Variants in OSBPL5 observed in about 807,000 individuals in gnomAD.
The protein encoded by OSBPL5 is oxysterol binding protein like 5.
A neutral mutation model predicts 111.2 loss-of-function variants in OSBPL5; 71 were observed. That is an observed-to-expected ratio of 0.64 (90% CI 0.53 to 0.78). OSBPL5 has a LOEUF of 0.78. Among genes scored for constraint, OSBPL5 ranks in the 30% least tolerant of loss-of-function variants. OSBPL5 has a pLI of 0.00. For synonymous variants in OSBPL5, 549 were observed against 513.9 expected, an observed-to-expected ratio of 1.07 and a Z score of -0.93; for missense variants, 1,210 against 1,189.3, an observed-to-expected ratio of 1.02 and a Z score of -0.26.
rs1224459112 is a variant in OSBPL5, at chr11:3,097,036, GAGGGAAGACAGGAGAAGGAGAGGAA to G, written c.1622-2727_1622-2703del. ...AAGACGGGAGGGGGAGGAGAGGAAAGAGGGAAGACAGGAGAAGGAGAGGAAAGGGGGAAGATGGAAGGAGGAGAAG... is the reference window on the plus strand; with the variant it reads ...AAGACGGGAGGGGGAGGAGAGGAAAGAGGGGGAAGATGGAAGGAGGAGAAG... On this transcript the variant is annotated intron_variant, in intron 14 of 21. Coordinates refer to ENST00000263650, the MANE Select transcript of OSBPL5 (RefSeq NM_020896.4). Among the ~76,000 whole-genome samples the G allele has an allele frequency of 5.0e-3, 368 of 73,482 alleles. 9 individuals carry two copies. The highest frequency in any genetic ancestry group is 6.0e-3 in the African/African-American group (100 of 16,602). The allele number at this position is 73,482 out of a possible 152,430, so 48.2% of individuals were successfully genotyped here. A position where few individuals can be genotyped will look rare whatever the true frequency, so the allele number is the denominator to read the frequency against.
rs937569285 is a variant in OSBPL5, at chr11:3,154,348, G to A, written c.-22+10868C>T. ...GAGTCACCCACATCCTGGCCTCCCCGCCCACTTTGCCGGTGGGACAGAGTG... is the reference window on the plus strand; with the variant it reads ...GAGTCACCCACATCCTGGCCTCCCCACCCACTTTGCCGGTGGGACAGAGTG... On this transcript the variant is annotated intron_variant, in intron 1 of 21. Transcript: ENST00000263650. This position sits in a 1 kb window ranked among gnomAD's most constrained non-coding sequence, Gnocchi z 4.9. Among the ~76,000 whole-genome samples the A allele has an allele frequency of 2.0e-5, 3 of 152,206 alleles. No individual in the cohort carries two copies. Among genetic ancestry groups the A allele is most frequent in the African/African-American group, 7.2e-5 (3 of 41,466 alleles).
Position 3,119,617 on chromosome 11 carries a change from C to G in OSBPL5, c.621G>C (p.Glu207Asp). The change falls in exon 7 of 22, where the codon GAG becomes GAC. Residue 207 changes from glutamate to aspartate, a missense_variant. Glu to Asp is a conservative substitution (Grantham distance 45). Transcript: ENST00000263650. The part of the protein sequence containing the change: ...SVWAVKGPKG[E>D]SVGSITQPLP... ...GGGGCTGTGTGATGGAGCCCACGCT[C>G]TCACCTTTGGGGCCCTGGAGAGAGA... 1 of 1,576,474 alleles carries G rather than the reference C, an allele frequency of 6.3e-7. No homozygotes were observed. Among genetic ancestry groups the G allele is most frequent in the South Asian group, 1.2e-5 (1 of 86,014 alleles).
At chr11:3,153,921 T>G (rs1016190597) in intron 1 of OSBPL5, among the ~76,000 whole-genome samples, 1 of 152,238 alleles carries the variant, frequency 6.6e-6, no homozygotes, top group Non-Finnish European at 1.5e-5. Flanking sequence ...AGGCTCCATA[T>G]GAATGCAGCC....
At position 3,107,495 on chromosome 11, in the gene OSBPL5, G is replaced by A; in HGVS notation, c.867-40C>T. On this transcript the variant is annotated intron_variant, in intron 8 of 21. Transcript: ENST00000263650. This position sits in a 1 kb window ranked among gnomAD's most constrained non-coding sequence, Gnocchi z 6.1. ...GTGCCAGTGGGTCCCTGTCACAGGT[G>A]AGAGCCCAGCACAGCCCTCTGGGCT... 6.2e-7 allele frequency: 1 copy of A among 1,607,046 alleles called. No homozygotes were observed. Among genetic ancestry groups the A allele is most frequent in the Non-Finnish European group, 8.5e-7 (1 of 1,174,630 alleles).
In OSBPL5 at chr11:3,142,141, A is replaced by T. The variant is rs1193553306; in HGVS notation, c.-21-12972T>A. On this transcript the variant is annotated intron_variant, in intron 1 of 21. Transcript: ENST00000263650. This position sits in a 1 kb window ranked among gnomAD's most constrained non-coding sequence, Gnocchi z 7.1. Reference sequence around the variant, plus strand: ...ACCATGTTGGCCAGGCTGGTCTCCAACTCCCGACCTCAAGTGATCTGCCCT... The same window carrying T: ...ACCATGTTGGCCAGGCTGGTCTCCATCTCCCGACCTCAAGTGATCTGCCCT... Among the ~76,000 whole-genome samples the T allele has an allele frequency of 1.3e-5, 2 of 151,956 alleles. No homozygotes were observed. Among genetic ancestry groups the T allele is most frequent in the African/African-American group, 2.4e-5 (1 of 41,354 alleles).
rs1445604755 is a variant in OSBPL5 at position 3,126,980 on chromosome 11, G to C, written c.137-425C>G. 6.6e-6 allele frequency among the ~76,000 whole-genome samples: 1 copy of C among 152,212 alleles called. No homozygotes were observed. Among genetic ancestry groups the C allele is most frequent in the Non-Finnish European group, 1.5e-5 (1 of 68,024 alleles). On this transcript the variant is annotated intron_variant, in intron 2 of 21. Transcript: ENST00000263650. The surrounding 1 kb of genome is among the most constrained non-coding windows in gnomAD (Gnocchi z 6.5). ...CTGGCTGGATGCTGCCGGCCCCTGC[G>C]TGCTGGGCTCTTGCTGGGAGGTGGT... is the stretch of plus-strand genomic sequence containing the variant.
rs553524244 is a variant in OSBPL5, at chr11:3,154,110, T to C, written c.-22+11106A>G. 6.6e-6 allele frequency among the ~76,000 whole-genome samples: 1 copy of C among 152,188 alleles called. No individual in the cohort carries two copies. Among genetic ancestry groups the C allele is most frequent in the Non-Finnish European group, 1.5e-5 (1 of 68,030 alleles). ...TGTGTGGCCCCTTATCCACTCTCCC[T>C]GGGAGGAAAGGCCCCGTGTGGTGTC... On this transcript the variant is annotated intron_variant, in intron 1 of 21. Transcript: ENST00000263650. This position sits in a 1 kb window ranked among gnomAD's most constrained non-coding sequence, Gnocchi z 4.9.
rs555557730 is a variant in OSBPL5 at position 3,113,903 on chromosome 11, G to C, written c.691+5644C>G. 2.0e-5 allele frequency among the ~76,000 whole-genome samples: 3 copies of C among 152,240 alleles called. No individual in the cohort carries two copies. The East Asian group carries it at 5.8e-4, about 29-fold the overall frequency. ...GTTAGAAACAAGATGGAGTCAGTTA[G>C]GTCAAATCTCTTTCACTGTCTCAGT... On this transcript the variant is annotated intron_variant, in intron 7 of 21. Coordinates refer to ENST00000263650, the MANE Select transcript of OSBPL5 (RefSeq NM_020896.4). This position sits in a 1 kb window ranked among gnomAD's most constrained non-coding sequence, Gnocchi z 4.8.
At chr11:3,139,733 C>G (rs2134507357) in intron 1 of OSBPL5, among the ~76,000 whole-genome samples, 1 of 152,332 alleles carries the variant, frequency 6.6e-6, no homozygotes, top group South Asian at 2.1e-4. Flanking sequence ...CGGCTTCCCT[C>G]TCTGGGCTCC....
chr11:3,136,759 G>T (rs1401002702), intron 1 of OSBPL5, among the ~76,000 whole-genome samples: 2 of 152,250 alleles, frequency 1.3e-5, no homozygotes. Flanking sequence ...CTCACCCACA[G>T]CCCAGAGTGA....
At chr11:3,114,564 T>C (rs538096560) in intron 7 of OSBPL5, among the ~76,000 whole-genome samples, 3 of 147,200 alleles carry the variant, frequency 2.0e-5, no homozygotes, top group Admixed American at 6.8e-5. Context: ...AAAACAGTTA[T>C]AGACTAAAGA....
At chr11:3,128,223 C>T (rs541897286) in intron 2 of OSBPL5, among the ~76,000 whole-genome samples, 29 of 152,338 alleles carry the variant, frequency 1.9e-4, no homozygotes, top group African/African-American at 6.3e-4. Flanking sequence ...CCCACTCCCC[C>T]CAGGGCAGAT....
rs538540441 is a variant in OSBPL5 at position 3,110,931 on chromosome 11, G to A, written c.692-2986C>T. On this transcript the variant is annotated intron_variant, in intron 7 of 21. Transcript: ENST00000263650. The surrounding 1 kb of genome is among the most constrained non-coding windows in gnomAD (Gnocchi z 5.3). ...TCCTGAGGCTGTGTCACAGGTAGGC[G>A]TCTTCAACCTTGGCAAAATAAACTT... is the stretch of plus-strand genomic sequence containing the variant. 4.1e-4 allele frequency among the ~76,000 whole-genome samples: 62 copies of A among 152,274 alleles called. No homozygotes were observed. The highest frequency in any genetic ancestry group is 1.4e-3 in the African/African-American group (57 of 41,554).
At position 3,122,383 on chromosome 11, in the gene OSBPL5, G is replaced by A. The variant is rs748044156; in HGVS notation, c.265C>T (p.Pro89Ser). 2 of 1,613,798 alleles carry A rather than the reference G, an allele frequency of 1.2e-6. No individual in the cohort carries two copies. Among genetic ancestry groups the A allele is most frequent in the East Asian group, 2.2e-5 (1 of 44,888 alleles). ...TCCTTCTTGGTGACCCTGGCGGTGG[G>A]GGACACACATTCCTTGTCTGACCCG... is the stretch of plus-strand genomic sequence containing the variant. ...CNGSDKECVSPTARVTKKETL... is the reference protein window; with the variant it reads ...CNGSDKECVSSTARVTKKETL... The change falls in exon 4 of 22, where the codon CCC becomes TCC. Residue 89 changes from proline (P) to serine (S), a missense_variant. Physicochemically the swap from Pro to Ser is moderately conservative, Grantham distance 74. Coordinates refer to ENST00000263650, the MANE Select transcript of OSBPL5 (RefSeq NM_020896.4).
rs1443032473 is a variant in OSBPL5, at chr11:3,162,958, G to A, written c.-22+2258C>T. Among the ~76,000 whole-genome samples, 1 of 151,900 alleles carries A rather than the reference G, an allele frequency of 6.6e-6. No homozygotes were observed. The stretch of plus-strand genomic sequence containing the variant: ...CTCCCCTGCCAACCCTGCAAGTGGT[G>A]GGCACTTCTACCCACCTGGCCCTTG... On this transcript the variant is annotated intron_variant, in intron 1 of 21. Transcript: ENST00000263650. The surrounding 1 kb of genome is among the most constrained non-coding windows in gnomAD (Gnocchi z 8.1).
At chr11:3,120,318 A>C in intron 6 of OSBPL5, 103 bp downstream of exon 6, 1 of 1,415,578 alleles carries the variant, frequency 7.1e-7, no homozygotes, top group Non-Finnish European at 9.6e-7. Context: ...CAAGGCCCCA[A>C]GGGGGCCATT....
Position 3,120,484 on chromosome 11 carries a change from G to A in OSBPL5, c.543C>T (p.Ser181=). 18 of 1,613,408 alleles carry A rather than the reference G, an allele frequency of 1.1e-5. No individual in the cohort carries two copies. The highest frequency in any genetic ancestry group is 1.4e-5 in the Non-Finnish European group (17 of 1,180,040). Residue 181 remains serine, a synonymous_variant, in exon 6 of 22, where the codon TCC becomes TCT. Transcript: ENST00000263650. ...GCTTGAAGCAGAAGCCGTCCTTCTT[G>A]GAGGGCCGCTCGATGAGCTCGCAGC... ...LHCCELIERP[S]KKDGFCFKLF...
At chr11:3,138,411 TG>T (rs1381704504) in intron 1 of OSBPL5, among the ~76,000 whole-genome samples, 3 of 152,078 alleles carry the variant, frequency 2.0e-5, no homozygotes, top group Non-Finnish European at 4.4e-5. Flanking sequence ...TGCAGCCAGG[TG>T]GCAGCAGGGG....
chr11:3,110,536 A>G lies in OSBPL5; in HGVS notation c.692-2591T>C, dbSNP rs1316764943. Among the ~76,000 whole-genome samples, 1 of 152,208 alleles carries G rather than the reference A, an allele frequency of 6.6e-6. No homozygotes were observed. The highest frequency in any genetic ancestry group is 1.5e-5 in the Non-Finnish European group (1 of 68,036). ...CCTGTCTAATGTGGATGATAACAGT[A>G]GAACCTGTTGTTTCAATGGTGCCTG... On this transcript the variant is annotated intron_variant, in intron 7 of 21. Transcript: ENST00000263650. This position sits in a 1 kb window ranked among gnomAD's most constrained non-coding sequence, Gnocchi z 5.3.
Sources: allele counts gnomAD v4.1 joint callset (sites outside exome capture counted in the v4.1 genomes callset), GRCh38; gene constraint gnomAD v4.1.1; non-coding constraint Gnocchi (gnomAD v3.1); transcripts MANE v1.5; gene names NCBI Gene and HGNC (gene_info 2026-07-23, HGNC 2026-07-21).